ELSPBP1: variants seen among roughly 807,000 people sequenced by gnomAD.
ELSPBP1 encodes epididymal sperm binding protein 1, also known as epididymal sperm-binding protein 1.
A neutral mutation model predicts 33.3 loss-of-function variants in ELSPBP1; 38 were observed. The ratio of observed to expected loss-of-function variants is 1.14; its 90% CI spans 0.88 to 1.50. The LOEUF is 1.50. Ranked by LOEUF, ELSPBP1 falls within the 40% of genes most tolerant of loss-of-function variation. The probability of loss-of-function intolerance (pLI) is 0.00; values close to 1 mark genes in which losing one functional copy is unlikely to be tolerated. For missense variants in ELSPBP1, 267 were observed against 263.5 expected, an observed-to-expected ratio of 1.01 and a Z score of -0.09; for synonymous variants, 85 against 94.1, an observed-to-expected ratio of 0.90 and a Z score of 0.56.
chr19:48,016,339 C>T (rs1967132137), intron 4 of ELSPBP1, among the ~76,000 whole-genome samples: 1 of 152,160 alleles, frequency 6.6e-6, no homozygotes, highest in African/African-American at 2.4e-5. Flanking sequence ...TAGTGAGATT[C>T]ACCCACTGAT....
intron 1 of ELSPBP1, among the ~76,000 whole-genome samples, chr19:48,001,372 G>A (rs1177758645): frequency 2.7e-5 from 4 of 149,150 alleles, no homozygotes; most frequent in Admixed American, 6.8e-5. Context: ...TAGTAGAGAC[G>A]TGGTTTCACC....
intron 4 of ELSPBP1, 91 bp downstream of exon 4, chr19:48,016,130 C>T (rs185530962): frequency 6.8e-7 from 1 of 1,467,276 alleles, no homozygotes; most frequent in East Asian, 2.3e-5. Flanking sequence ...AGGTAGAGAC[C>T]AGAGCACCCA....
In ELSPBP1 at chr19:48,011,182, A is replaced by C. The variant is rs1600106496; in HGVS notation, c.70+2445A>C. ...CAATGATGTGATGAGGAGGAAAATA[A>C]TGATTACAATAATGATGACAATGAT... is the stretch of plus-strand genomic sequence containing the variant. On this transcript the variant is annotated intron_variant, in intron 2 of 6. Transcript: ENST00000339841. The surrounding 1 kb of genome is among the most constrained non-coding windows in gnomAD (Gnocchi z 4.5). Among the ~76,000 whole-genome samples, 1 of 106,208 alleles carries C rather than the reference A, an allele frequency of 9.4e-6. No individual in the cohort carries two copies. Among genetic ancestry groups the C allele is most frequent in the Non-Finnish European group, 2.0e-5 (1 of 51,272 alleles). The allele number at this position is 106,208 out of a possible 152,430, so 69.7% of individuals were successfully genotyped here. A position where few individuals can be genotyped will look rare whatever the true frequency, so the allele number is the denominator to read the frequency against.
At chr19:48,012,656 T>C (rs917383884) in intron 2 of ELSPBP1, among the ~76,000 whole-genome samples, 11 of 152,192 alleles carry the variant, frequency 7.2e-5, no homozygotes, top group African/African-American at 2.7e-4. Context: ...GTTCTGTAGA[T>C]ACACTGCACA....
At chr19:47,996,866 G>A (rs1039921807) in intron 1 of ELSPBP1, among the ~76,000 whole-genome samples, 1 of 152,122 alleles carries the variant, frequency 6.6e-6, no homozygotes, top group African/African-American at 2.4e-5. Context: ...ATTACTGCCG[G>A]TCTAGCATGG....
intron 5 of ELSPBP1, 25 bp downstream of exon 5, chr19:48,019,902 G>T: frequency 1.2e-6 from 2 of 1,603,204 alleles, no homozygotes; most frequent in South Asian, 2.2e-5. Flanking sequence ...GGGGTTGGGT[G>T]GGTGTGGGTG....
chr19:48,019,373 A>ATATTTATG (rs747189041), intron 4 of ELSPBP1, among the ~76,000 whole-genome samples: 4 of 152,144 alleles, frequency 2.6e-5, no homozygotes, highest in Non-Finnish European at 5.9e-5. Flanking sequence ...GACACAATCG[A>ATATTTATG]TATTTATGTA....
intron 1 of ELSPBP1, among the ~76,000 whole-genome samples, chr19:48,005,498 T>G (rs1235626181): frequency 6.6e-6 from 1 of 152,064 alleles, no homozygotes; most frequent in Admixed American, 6.5e-5. Context: ...CATAGTGCAA[T>G]TAAATGAAGT....
intron 1 of ELSPBP1, among the ~76,000 whole-genome samples, chr19:47,997,362 A>C (rs1170111100): frequency 6.6e-6 from 1 of 152,180 alleles, no homozygotes; most frequent in Non-Finnish European, 1.5e-5. Context: ...TCATGTGAGC[A>C]TATGTGCATG....
rs1225421653 is a variant in ELSPBP1 at position 48,014,322 on chromosome 19, C to G, written c.208+14C>G. 4 of 1,612,036 alleles carry G rather than the reference C, an allele frequency of 2.5e-6. No homozygotes were observed. The highest frequency in any genetic ancestry group is 3.3e-5 in the Admixed American group (2 of 59,932). On this transcript the variant is annotated intron_variant, in intron 3 of 6. Transcript: ENST00000339841. ...GCCAGAGTGAAGGTGAGTGGTATCACATTGTCCCTGCCAGTGGCCTTTGAA... is the reference window on the plus strand; with the variant it reads ...GCCAGAGTGAAGGTGAGTGGTATCAGATTGTCCCTGCCAGTGGCCTTTGAA...
intron 1 of ELSPBP1, among the ~76,000 whole-genome samples, chr19:47,995,586 G>A (rs1966905015): frequency 6.6e-6 from 1 of 152,212 alleles, no homozygotes; most frequent in Admixed American, 6.5e-5. Context: ...AGAGGTGTGT[G>A]TGTGCGCCTA....
intron 2 of ELSPBP1, among the ~76,000 whole-genome samples, chr19:48,012,885 C>T (rs1311085636): frequency 2.0e-5 from 3 of 152,028 alleles, no homozygotes; most frequent in East Asian, 1.9e-4. Flanking sequence ...ATAGGAAGTA[C>T]GACCAAAAAG....
chr19:48,017,026 C>T (rs1453664985), intron 4 of ELSPBP1, among the ~76,000 whole-genome samples: 2 of 152,158 alleles, frequency 1.3e-5, no homozygotes, highest in African/African-American at 4.8e-5. Flanking sequence ...ATACAATATC[C>T]TGTTGAATCT....
At chr19:48,013,715 T>TA (rs1247198562) in intron 2 of ELSPBP1, among the ~76,000 whole-genome samples, 1 of 123,782 alleles carries the variant, frequency 8.1e-6, no homozygotes, top group Non-Finnish European at 1.7e-5. Context: ...AGACTTCATC[T>TA]CAAAAAAAAA....
chr19:48,018,022 G>A (rs1600110947), intron 4 of ELSPBP1, among the ~76,000 whole-genome samples: 2 of 151,922 alleles, frequency 1.3e-5, no homozygotes, highest in East Asian at 1.9e-4. Context: ...TTTTGATGGA[G>A]TAACAGATTC....
chr19:48,010,714 C>T (rs1038600374), intron 2 of ELSPBP1, among the ~76,000 whole-genome samples: 1 of 146,188 alleles, frequency 6.8e-6, no homozygotes, highest in Admixed American at 6.9e-5. Flanking sequence ...ACCAAAATCT[C>T]AAAGACGAGA....
At chr19:48,018,831 T>C (rs1393086393) in intron 4 of ELSPBP1, among the ~76,000 whole-genome samples, 9 of 151,214 alleles carry the variant, frequency 6.0e-5, no homozygotes, top group Non-Finnish European at 8.8e-5. Flanking sequence ...CAAGACTGAG[T>C]TTATTGCTCA....
In ELSPBP1 at chr19:48,015,718, G is replaced by T. The variant is rs62129080; in HGVS notation, c.209-175G>T. Among the ~76,000 whole-genome samples the T allele has an allele frequency of 0.17, 25,184 of 152,198 alleles. 2,147 individuals carry two copies. Among genetic ancestry groups the T allele is most frequent in the South Asian group, 0.23 (1,094 of 4,822 alleles). On this transcript the variant is annotated intron_variant, in intron 3 of 6. Transcript: ENST00000339841. ...TAAGTGGACCCGAGTTCAAACTTGT[G>T]TTGTTCAAGAATCAGATGTATATGG...
intron 6 of ELSPBP1, 25 bp downstream of exon 6, chr19:48,022,359 C>T (rs200217907): frequency 1.1e-4 from 175 of 1,577,298 alleles, no homozygotes; most frequent in Admixed American, 2.2e-4. Context: ...CAACAGTGGT[C>T]ATTTCACGGA....
Sources: allele counts gnomAD v4.1 joint callset (sites outside exome capture counted in the v4.1 genomes callset), GRCh38; gene constraint gnomAD v4.1.1; non-coding constraint Gnocchi (gnomAD v3.1); transcripts MANE v1.5; gene names NCBI Gene and HGNC (gene_info 2026-07-23, HGNC 2026-07-21).